Variants in RFC3 observed in about 807,000 individuals in gnomAD.
RFC3 encodes the protein replication factor C subunit 3, also known as A1 38 kDa subunit.
In RFC3, 41 loss-of-function variants were observed where a neutral mutation model predicts 45.1. That is an observed-to-expected ratio of 0.91 (90% CI 0.71 to 1.18). The LOEUF (loss-of-function observed/expected upper bound fraction) is 1.18, where lower values mean the gene tolerates loss of function less well. RFC3 is among the 50% of genes most tolerant of loss of function. RFC3 has a pLI of 0.00. For missense variants in RFC3, 423 were observed against 428.1 expected (o/e 0.99, Z 0.10); for synonymous variants, 149 against 144.0 (o/e 1.03, Z -0.25).
At chr13:33,898,464 A>G (rs2082615926) in intron 8 of RFC3, among the ~76,000 whole-genome samples, 1 of 151,974 alleles carries the variant, frequency 6.6e-6, no homozygotes, top group Non-Finnish European at 1.5e-5. Flanking sequence ...AACAAATGCA[A>G]ATGGAAATAA....
At chr13:33,910,238 A>G (rs1363939773) in intron 8 of RFC3, among the ~76,000 whole-genome samples, 13 of 152,098 alleles carry the variant, frequency 8.5e-5, no homozygotes, top group Admixed American at 8.5e-4. Context: ...AAGAGATAAC[A>G]TAGCATAAGG....
At chr13:33,831,505 G>T (rs1593616319) in intron 7 of RFC3, 151 bp downstream of exon 7, 1 of 466,970 alleles carries the variant, frequency 2.1e-6, no homozygotes, top group East Asian at 4.4e-5. Flanking sequence ...TTTAACTTCA[G>T]AAATTTAGTG....
At chr13:33,841,159 G>A (rs575525067), downstream of RFC3, among the ~76,000 whole-genome samples, 1 of 152,298 alleles carries the variant, frequency 6.6e-6, no homozygotes, top group East Asian at 1.9e-4. Context: ...CTCCTTATGA[G>A]ACTCTAATGC....
intron 8 of RFC3, among the ~76,000 whole-genome samples, chr13:33,931,645 G>GTGTTT (rs1267894472): frequency 1.3e-5 from 2 of 151,826 alleles, no homozygotes; most frequent in African/African-American, 4.8e-5. Flanking sequence ...CTTAGAAGTT[G>GTGTTT]TGTATAAGGT....
At chr13:33,842,043 A>T (rs2082203022), downstream of RFC3, among the ~76,000 whole-genome samples, 1 of 152,142 alleles carries the variant, frequency 6.6e-6, no homozygotes, top group Admixed American at 6.6e-5. Context: ...GCACTTTGGG[A>T]GGCTGAGGCG....
At chr13:33,819,719 A>G (rs2081984180) in intron 1 of RFC3, among the ~76,000 whole-genome samples, 1 of 152,170 alleles carries the variant, frequency 6.6e-6, no homozygotes, top group Non-Finnish European at 1.5e-5. Flanking sequence ...CTGTGGCCAC[A>G]TTTTGTTGTA....
chr13:33,885,165 A>G (rs565643542), intron 8 of RFC3, among the ~76,000 whole-genome samples: 1 of 152,286 alleles, frequency 6.6e-6, no homozygotes, highest in South Asian at 2.1e-4. Context: ...ATTTAACTCT[A>G]TGTTATATTA....
At chr13:33,897,460 C>T (rs1018973618) in intron 8 of RFC3, among the ~76,000 whole-genome samples, 1 of 150,484 alleles carries the variant, frequency 6.6e-6, no homozygotes, top group Non-Finnish European at 1.5e-5. Context: ...AAACATACTG[C>T]CAGGGAAAAA....
At chr13:33,917,578 T>C (rs2082741125) in intron 8 of RFC3, among the ~76,000 whole-genome samples, 1 of 152,030 alleles carries the variant, frequency 6.6e-6, no homozygotes. Context: ...TTCTCAACCC[T>C]CCACATGCTG....
chr13:33,888,364 A>T (rs1030828205), intron 8 of RFC3, among the ~76,000 whole-genome samples: 5 of 152,228 alleles, frequency 3.3e-5, no homozygotes, highest in Non-Finnish European at 7.3e-5. Flanking sequence ...TCTTCTGGGA[A>T]GTCCTCCTAA....
intron 8 of RFC3, among the ~76,000 whole-genome samples, chr13:33,946,672 A>C (rs549996025): frequency 8.5e-5 from 13 of 152,358 alleles, no homozygotes; most frequent in African/African-American, 3.1e-4. Context: ...CTGCACATGC[A>C]GTTCATAAAA....
chr13:33,964,240 C>G (rs1213700204), intron 8 of RFC3, among the ~76,000 whole-genome samples: 1 of 152,068 alleles, frequency 6.6e-6, no homozygotes, highest in Non-Finnish European at 1.5e-5. Context: ...GACAGTATGT[C>G]TAGAGAGCTC....
At chr13:33,825,949 G>C in intron 4 of RFC3, 63 bp downstream of exon 4, 1 of 1,036,344 alleles carries the variant, frequency 9.6e-7, no homozygotes, top group South Asian at 1.6e-5. Context: ...TCTTTTTTTT[G>C]AGTTATGAAA....
At chr13:33,881,994 G>T (rs950977524) in intron 8 of RFC3, among the ~76,000 whole-genome samples, 1 of 152,166 alleles carries the variant, frequency 6.6e-6, no homozygotes, top group Non-Finnish European at 1.5e-5. Context: ...AAAAATAAGT[G>T]TAAATTATTT....
rs2082381974 is a variant in RFC3 at position 33,867,629 on chromosome 13, A to C, written c.879+32412A>C. On this transcript the variant is annotated intron_variant, in intron 8 of 8. Transcript: ENST00000434425. Reference sequence around the variant, plus strand: ...TATTATTACTTTATCAAGTGGTGAAAATTAATGAAAAATTACAGCTGCCCC... The same window carrying C: ...TATTATTACTTTATCAAGTGGTGAACATTAATGAAAAATTACAGCTGCCCC... 3.9e-5 allele frequency among the ~76,000 whole-genome samples: 6 copies of C among 152,130 alleles called. No homozygotes were observed. In the South Asian group the frequency reaches 1.0e-3, roughly 26 times the overall value.
chr13:33,830,740 G>T lies in RFC3; in HGVS notation c.595G>T (p.Val199Leu). The change falls in exon 6 of 9, where the codon GTG becomes TTG. Residue 199 changes from valine to leucine, a missense_variant. Coordinates refer to ENST00000380071, the MANE Select transcript of RFC3 (RefSeq NM_002915.4). Reference protein sequence around the residue: ...IEDICHVLSTVCKKEGLNLPS... With the variant: ...IEDICHVLSTLCKKEGLNLPS... The stretch of plus-strand genomic sequence containing the variant: ...GTAGATTTGCCACGTGTTATCTACT[G>T]TGTGTAAGAAGGAAGGTCTGAATCT... 2 of 1,611,784 alleles carry T rather than the reference G, an allele frequency of 1.2e-6. No individual in the cohort carries two copies. Among genetic ancestry groups the T allele is most frequent in the South Asian group, 1.1e-5 (1 of 90,596 alleles).
intron 8 of RFC3, among the ~76,000 whole-genome samples, chr13:33,946,833 G>A (rs2082957282): frequency 6.6e-6 from 1 of 152,166 alleles, no homozygotes. Flanking sequence ...TTTCCTAAAG[G>A]TTAGTTGCAA....
intron 8 of RFC3, among the ~76,000 whole-genome samples, chr13:33,898,343 T>C (rs2082615074): frequency 6.6e-6 from 1 of 151,810 alleles, no homozygotes; most frequent in Admixed American, 6.6e-5. Flanking sequence ...AGAAATCAAT[T>C]AACAAGAGGA....
At chr13:33,973,754 G>C in the RFC3 span, among the ~76,000 whole-genome samples, 1 of 150,772 alleles carries the variant, frequency 6.6e-6, no homozygotes, top group East Asian at 2.0e-4. Flanking sequence ...TAGTTCAACC[G>C]ATTCTCCTGC....
Sources: gnomAD v4.1 joint callset for allele counts (sites outside exome capture counted in the v4.1 genomes callset) on GRCh38, gnomAD v4.1.1 for gene constraint, MANE v1.5 for transcripts, NCBI Gene and HGNC (gene_info 2026-07-23, HGNC 2026-07-21) for gene names.